GLRA2: variants seen among roughly 807,000 people sequenced by gnomAD.
GLRA2 encodes glycine receptor subunit alpha-2.
In GLRA2, 11 loss-of-function variants were observed where a neutral mutation model predicts 31.6. The ratio of observed to expected loss-of-function variants is 0.35; its 90% CI spans 0.22 to 0.58. GLRA2 has a LOEUF of 0.58. Among genes scored for constraint, GLRA2 ranks in the 20% least tolerant of loss-of-function variants. The pLI is 0.84. For synonymous variants in GLRA2, 132 were observed against 134.0 expected (o/e 0.99, Z 0.10); for missense variants, 212 against 351.8 (o/e 0.60, Z 3.18).
the GLRA2 span, among the ~76,000 whole-genome samples, chrX:14,448,968 T>A: frequency 9.0e-6 from 1 of 111,001 alleles, no homozygotes; most frequent in South Asian, 3.8e-4. Flanking sequence ...AGCTACTGAA[T>A]AAAACTACAT....
intron 4 of GLRA2, among the ~76,000 whole-genome samples, chrX:14,591,697 A>G (rs1013135553): frequency 2.7e-5 from 3 of 111,741 alleles, no homozygotes; most frequent in Non-Finnish European, 5.6e-5. Flanking sequence ...GCATCCTTCA[A>G]TCCAATCAAG....
chrX:14,473,887 G>A, the GLRA2 span, among the ~76,000 whole-genome samples: 1 of 111,921 alleles, frequency 8.9e-6, no homozygotes, highest in Non-Finnish European at 1.9e-5. Flanking sequence ...GGATGGTATG[G>A]TGAGAAGTGG....
chrX:14,640,665 C>T (rs945754947), intron 7 of GLRA2, among the ~76,000 whole-genome samples: 9 of 111,122 alleles, frequency 8.1e-5, no homozygotes, highest in East Asian at 2.8e-4. Context: ...TTTTGCAGTT[C>T]GTATTCTTTC....
At chrX:14,491,885 C>A in the GLRA2 span, among the ~76,000 whole-genome samples, 1 of 111,800 alleles carries the variant, frequency 8.9e-6, no homozygotes, top group Non-Finnish European at 1.9e-5. Flanking sequence ...GTCGTCATAG[C>A]TGATCATTGT....
the GLRA2 span, among the ~76,000 whole-genome samples, chrX:14,456,550 T>G: frequency 8.9e-6 from 1 of 112,017 alleles, no homozygotes; most frequent in African/African-American, 3.2e-5. Context: ...TCTGGTCTAC[T>G]TTTTATTTCT....
the GLRA2 span, among the ~76,000 whole-genome samples, chrX:14,493,606 CAT>C: frequency 1.7e-4 from 17 of 99,363 alleles, no homozygotes; most frequent in Non-Finnish European, 2.6e-4. Context: ...CATATATACA[CAT>C]ATACACATAT....
the GLRA2 span, among the ~76,000 whole-genome samples, chrX:14,495,840 T>C: frequency 9.0e-6 from 1 of 110,742 alleles, no homozygotes; most frequent in African/African-American, 3.3e-5. Context: ...AACCCAGTTC[T>C]TCTTGATGCC....
chrX:14,523,770 A>T, the GLRA2 span, among the ~76,000 whole-genome samples: 2 of 111,708 alleles, frequency 1.8e-5, no homozygotes, highest in African/African-American at 6.5e-5. Context: ...TTGCCATCCT[A>T]TACGGGTGTG....
chrX:14,707,214 T>C (rs937926798), intron 8 of GLRA2, among the ~76,000 whole-genome samples: 1 of 111,466 alleles, frequency 9.0e-6, no homozygotes, highest in African/African-American at 3.3e-5. Context: ...AAGCATGACA[T>C]AGTGACACAT....
chrX:14,694,286 C>T (rs1180896833), intron 8 of GLRA2, among the ~76,000 whole-genome samples: 1 of 111,409 alleles, frequency 9.0e-6, no homozygotes, highest in Non-Finnish European at 1.9e-5. Flanking sequence ...CACAATCTCA[C>T]TCCCTGTCAT....
the GLRA2 span, among the ~76,000 whole-genome samples, chrX:14,451,026 T>A: frequency 9.0e-6 from 1 of 111,085 alleles, no homozygotes; most frequent in African/African-American, 3.3e-5. Context: ...AAAAAAAAAA[T>A]TCCAACCAAA....
At chrX:14,450,634 C>T in the GLRA2 span, among the ~76,000 whole-genome samples, 1 of 112,037 alleles carries the variant, frequency 8.9e-6, no homozygotes. Flanking sequence ...AAAGGGAACC[C>T]CATCAGGCTA....
At chrX:14,541,248 G>C (rs1447972039) in intron 2 of GLRA2, among the ~76,000 whole-genome samples, 1 of 110,915 alleles carries the variant, frequency 9.0e-6, no homozygotes, top group Non-Finnish European at 1.9e-5. Flanking sequence ...CTTGAGAAAG[G>C]GTGTTAGAAG....
intron 4 of GLRA2, among the ~76,000 whole-genome samples, chrX:14,587,359 A>T (rs373409449): frequency 7.1e-4 from 79 of 111,874 alleles, no homozygotes; most frequent in African/African-American, 2.5e-3. Flanking sequence ...GTTATTTGAG[A>T]CGTCTCCAAA....
At chrX:14,642,894 C>T (rs1204864523) in intron 7 of GLRA2, among the ~76,000 whole-genome samples, 3 of 111,172 alleles carry the variant, frequency 2.7e-5, no homozygotes, top group Non-Finnish European at 3.8e-5. Context: ...TCCATGATTG[C>T]ATCATGGTAT....
chrX:14,600,652 C>T (rs2090258896), intron 4 of GLRA2, among the ~76,000 whole-genome samples: 1 of 110,462 alleles, frequency 9.1e-6, no homozygotes, highest in Admixed American at 9.7e-5. Flanking sequence ...TTAGCATATC[C>T]ATTCCCTCAA....
At chrX:14,479,211 A>C in the GLRA2 span, among the ~76,000 whole-genome samples, 1 of 111,877 alleles carries the variant, frequency 8.9e-6, no homozygotes, top group African/African-American at 3.2e-5. Context: ...TATTAGAAGA[A>C]AATATTCTGA....
At chrX:14,698,164 T>C (rs972060129) in intron 8 of GLRA2, among the ~76,000 whole-genome samples, 2 of 111,604 alleles carry the variant, frequency 1.8e-5, no homozygotes, top group African/African-American at 6.5e-5. Flanking sequence ...TTTTATTTAA[T>C]GTTTTGTTCA....
At chrX:14,531,709 A>T (rs1444873400) in intron 1 of GLRA2, among the ~76,000 whole-genome samples, 3 of 111,619 alleles carry the variant, frequency 2.7e-5, no homozygotes, top group African/African-American at 9.7e-5. Flanking sequence ...TAGATATCAC[A>T]TTGAAAAATA....
Sources: gnomAD v4.1 joint callset for allele counts (sites outside exome capture counted in the v4.1 genomes callset) on GRCh38, gnomAD v4.1.1 for gene constraint, MANE v1.5 for transcripts, NCBI Gene and HGNC (gene_info 2026-07-23, HGNC 2026-07-21) for gene names.